Variants in RASA3 observed in about 807,000 individuals in gnomAD.
RASA3 encodes RAS p21 protein activator 3.
Under a neutral mutation model 110.0 loss-of-function variants are expected in RASA3, and 73 were observed. That is an observed-to-expected ratio of 0.66 (90% CI 0.55 to 0.81). The LOEUF (loss-of-function observed/expected upper bound fraction) is 0.81. Among genes scored for constraint, RASA3 ranks in the 30% least tolerant of loss-of-function variants. The pLI is 0.00. For missense variants in RASA3, 976 were observed against 1,113.2 expected (o/e 0.88, Z 1.75); for synonymous variants, 500 against 451.4 (o/e 1.11, Z -1.37).
At chr13:113,984,717 C>T in intron 22 of RASA3, among the ~76,000 whole-genome samples, 1 of 101,298 alleles carries the variant, frequency 9.9e-6, no homozygotes, top group African/African-American at 3.2e-5. Flanking sequence ...CTCACCCTGT[C>T]CATCCATCCA....
Position 114,131,703 on chromosome 13 carries a change from C to A in RASA3, c.55+732G>T, listed in dbSNP as rs182225121. On this transcript the variant is annotated intron_variant, in intron 1 of 23. Transcript: ENST00000334062. ...GGGAGCCCTCAGCCAGAACGCCCCACCAGCACACACGCACACATGCACACA... is the reference window on the plus strand; with the variant it reads ...GGGAGCCCTCAGCCAGAACGCCCCAACAGCACACACGCACACATGCACACA... Among the ~76,000 whole-genome samples, 316 of 152,358 alleles carry A rather than the reference C, an allele frequency of 2.1e-3. 9 individuals are homozygous for A. The South Asian group carries it at 0.054, about 26-fold the overall frequency.
rs117596814 is a variant in RASA3 at position 114,033,125 on chromosome 13, G to A, written c.373-3238C>T. On this transcript the variant is annotated intron_variant, in intron 4 of 23. Coordinates refer to ENST00000334062, the MANE Select transcript of RASA3 (RefSeq NM_007368.4). ...CCCCACACTTGACACCACGTTCCAC[G>A]GAACCCCCGCACTGACACCACACCC... 6.5e-3 allele frequency among the ~76,000 whole-genome samples: 466 copies of A among 71,196 alleles called. 10 individuals are homozygous for A. The highest frequency in any genetic ancestry group is 9.0e-3 in the Non-Finnish European group (354 of 39,196). 46.7% of individuals were successfully genotyped at this position (71,196 alleles called of 152,430 possible).
chr13:113,981,893 G>T, intron 22 of RASA3, 35 bp from the exon 23 acceptor site: 2 of 1,591,120 alleles, frequency 1.3e-6, no homozygotes, highest in Non-Finnish European at 8.6e-7. Flanking sequence ...CAGGGCAGGA[G>T]CCCAGGCCAC....
intron 1 of RASA3, among the ~76,000 whole-genome samples, chr13:114,121,295 C>T (rs538306341): frequency 5.3e-5 from 8 of 152,304 alleles, no homozygotes; most frequent in Admixed American, 3.3e-4. Flanking sequence ...CTGAGAGCCA[C>T]GGGGCTGTCT....
intron 12 of RASA3, among the ~76,000 whole-genome samples, chr13:114,016,939 G>T (rs557768936): frequency 7.2e-5 from 11 of 152,220 alleles, no homozygotes; most frequent in Non-Finnish European, 1.0e-4. Context: ...GGGACTGCAG[G>T]ACATGTGGAG....
In RASA3 at chr13:114,065,910, A is replaced by G. The variant is rs1412678350; in HGVS notation, c.173+7810T>C. Among the ~76,000 whole-genome samples the G allele has an allele frequency of 1.3e-5, 2 of 152,088 alleles. No individual in the cohort carries two copies. Among genetic ancestry groups the G allele is most frequent in the Non-Finnish European group, 2.9e-5 (2 of 68,002 alleles). ...GTGAGTCTTCAAACGGAACCCAAAG[A>G]CTCAGTGAGGAAAGCAGGCGGGCTG... On this transcript the variant is annotated intron_variant, in intron 2 of 23. Transcript: ENST00000334062. The surrounding 1 kb of genome is among the most constrained non-coding windows in gnomAD (Gnocchi z 4.1).
chr13:114,097,106 T>C (rs1324465078), intron 1 of RASA3, among the ~76,000 whole-genome samples: 1 of 152,162 alleles, frequency 6.6e-6, no homozygotes, highest in Non-Finnish European at 1.5e-5. Flanking sequence ...ACAGCAGCTA[T>C]AGTTGTGTGC....
chr13:114,001,843 C>T (rs1566463059), intron 18 of RASA3, among the ~76,000 whole-genome samples: 1 of 152,272 alleles, frequency 6.6e-6, no homozygotes, highest in Non-Finnish European at 1.5e-5. Flanking sequence ...AGTCACGCAC[C>T]AGCGCCTCTG....
intron 13 of RASA3, 51 bp downstream of exon 13, chr13:114,016,146 A>G: frequency 6.7e-7 from 1 of 1,495,614 alleles, no homozygotes; most frequent in Non-Finnish European, 9.3e-7. Context: ...CCATCGGCTG[A>G]AAAACCCCAA....
At chr13:114,035,354 G>T (rs886149807) in intron 4 of RASA3, among the ~76,000 whole-genome samples, 1 of 152,190 alleles carries the variant, frequency 6.6e-6, no homozygotes, top group African/African-American at 2.4e-5. Context: ...GCACTCCTGC[G>T]AACTCACAGA....
chr13:114,080,512 G>A (rs2079766740), intron 1 of RASA3, among the ~76,000 whole-genome samples: 1 of 152,130 alleles, frequency 6.6e-6, no homozygotes, highest in African/African-American at 2.4e-5. Flanking sequence ...AGGGGCGGGT[G>A]ACCAGGCCCA....
rs768252374 is a variant in RASA3, at chr13:114,052,085, C to G, written c.244G>C (p.Asp82His). 10 of 1,612,736 alleles carry G rather than the reference C, an allele frequency of 6.2e-6. No homozygotes were observed. Among genetic ancestry groups the G allele is most frequent in the Non-Finnish European group, 7.6e-6 (9 of 1,179,090 alleles). The change falls in exon 3 of 24, where the codon GAT (aspartate) becomes CAT (histidine). Residue 82 changes from aspartate (D) to histidine (H), a missense_variant. Physicochemically the swap from Asp to His is moderately conservative, Grantham distance 81. Coordinates refer to ENST00000334062, the MANE Select transcript of RASA3 (RefSeq NM_007368.4). Reference protein sequence around the residue: ...SFRHLSFYIFDRDVFRRDSII... With the variant: ...SFRHLSFYIFHRDVFRRDSII... ...GAATCCCTCCGGAAAACGTCTCTAT[C>G]GAAAATGTAGAAGGACAGGTGACGA...
At position 114,018,193 on chromosome 13, in the gene RASA3, C is replaced by T. The variant is rs772017036; in HGVS notation, c.1002G>A (p.Ala334=). The T allele has an allele frequency of 1.5e-5, 23 of 1,552,718 alleles. 1 individual carries two copies. The South Asian group carries it at 1.9e-4, about 13-fold the overall frequency. ...GGAAGAGCCGCACCAGCGGGACGGC[C>T]GCCTCCTGCTTCTCCCGGCAAACCT... ...LGEVCREKQE[A]AVPLVRLFLH... Residue 334 remains alanine (A), a synonymous_variant, in exon 11 of 24, where the codon GCG becomes GCA. Transcript: ENST00000334062.
chr13:114,056,582 G>C lies in RASA3; in HGVS notation c.174-4427C>G. The C allele has an allele frequency of 4.1e-6, 4 of 985,266 alleles. No homozygotes were observed. The highest frequency in any genetic ancestry group is 1.7e-5 in the African/African-American group (1 of 57,294). 61.0% of individuals were successfully genotyped at this position (985,266 alleles called of 1,614,324 possible). On this transcript the variant is annotated intron_variant, in intron 2 of 23. Coordinates refer to ENST00000334062, the MANE Select transcript of RASA3 (RefSeq NM_007368.4). This position sits in a 1 kb window ranked among gnomAD's most constrained non-coding sequence, Gnocchi z 5.7. Reference sequence around the variant, plus strand: ...TCTCTCTGTAACTCTGCTTGGCAGTGGGGGGCTCGGTGGGGGGAGGCCCGT... The same window carrying C: ...TCTCTCTGTAACTCTGCTTGGCAGTCGGGGGCTCGGTGGGGGGAGGCCCGT...
intron 20 of RASA3, among the ~76,000 whole-genome samples, chr13:113,998,349 T>C (rs1161398739): frequency 2.0e-5 from 3 of 152,344 alleles, no homozygotes; most frequent in East Asian, 3.9e-4. Context: ...TCCAAACTTA[T>C]GCCTTTTGCA....
intron 4 of RASA3, among the ~76,000 whole-genome samples, chr13:114,039,924 C>G (rs1329728485): frequency 2.0e-5 from 3 of 152,308 alleles, no homozygotes; most frequent in Admixed American, 2.0e-4. Flanking sequence ...ACAATGGACA[C>G]GGGAGACCAG....
rs1195996179 is a variant in RASA3 at position 114,112,156 on chromosome 13, T to C, written c.55+20279A>G. 2.2e-5 allele frequency among the ~76,000 whole-genome samples: 3 copies of C among 136,122 alleles called. No homozygotes were observed. Among genetic ancestry groups the C allele is most frequent in the Non-Finnish European group, 5.0e-5 (3 of 59,526 alleles). The allele number at this position is 136,122 out of a possible 152,430, so 89.3% of individuals were successfully genotyped here. On this transcript the variant is annotated intron_variant, in intron 1 of 23. Coordinates refer to ENST00000334062, the MANE Select transcript of RASA3 (RefSeq NM_007368.4). The surrounding 1 kb of genome is among the most constrained non-coding windows in gnomAD (Gnocchi z 4.8). ...AGGCTAATTTTTAATCAGATGGATTTAGTGATAGCAAATAAAGAGAAGGAG... is the reference window on the plus strand; with the variant it reads ...AGGCTAATTTTTAATCAGATGGATTCAGTGATAGCAAATAAAGAGAAGGAG...
intron 2 of RASA3, 123 bp downstream of exon 2, chr13:114,073,597 G>A (rs551430852): frequency 1.2e-6 from 1 of 813,330 alleles, no homozygotes; most frequent in East Asian, 2.5e-5. Flanking sequence ...AAACGGGATG[G>A]TGACGTACAC....
intron 3 of RASA3, among the ~76,000 whole-genome samples, chr13:114,050,346 G>A (rs1031650676): frequency 4.6e-5 from 7 of 152,210 alleles, no homozygotes; most frequent in Non-Finnish European, 8.8e-5. Flanking sequence ...TGTCCGCTGC[G>A]GAAGCACCCA....
Sources: gnomAD v4.1 joint callset for allele counts (sites outside exome capture counted in the v4.1 genomes callset) on GRCh38, gnomAD v4.1.1 for gene constraint, Gnocchi (gnomAD v3.1) non-coding constraint, MANE v1.5 for transcripts, NCBI Gene and HGNC (gene_info 2026-07-23, HGNC 2026-07-21) for gene names.